The following CHDH variants were observed in gnomAD, a reference collection of about 807,000 sequenced individuals.
The protein encoded by CHDH is choline dehydrogenase, mitochondrial.
A neutral mutation model predicts 56.9 loss-of-function variants in CHDH; 43 were observed. That is an observed-to-expected ratio of 0.76 (90% CI 0.59 to 0.97). The LOEUF (loss-of-function observed/expected upper bound fraction) is 0.97. CHDH is among the 50% of genes least tolerant of loss of function. CHDH has a pLI of 0.00. For missense variants in CHDH, 816 were observed against 821.1 expected (o/e 0.99, Z 0.08); for synonymous variants, 364 against 348.5 (o/e 1.04, Z -0.50).
intron 2 of CHDH, among the ~76,000 whole-genome samples, chr3:53,836,677 C>T (rs1047430044): frequency 1.3e-5 from 2 of 152,234 alleles, no homozygotes; most frequent in African/African-American, 4.8e-5. Context: ...GCTGGCGCTG[C>T]GTCATGCTGG....
Position 53,846,407 on chromosome 3 carries a change from C to G in CHDH, c.-455G>C. ...TCGGACACGGCCCATCCCTCCGAGCCCCAGCAGGCGAGGGCGCTGCGACCT... is the reference window on the plus strand; with the variant it reads ...TCGGACACGGCCCATCCCTCCGAGCGCCAGCAGGCGAGGGCGCTGCGACCT... On this transcript the variant is annotated 5_prime_UTR_variant, in exon 1 of 9. Transcript: ENST00000315251. 1.7e-6 allele frequency: 1 copy of G among 579,304 alleles called. No homozygotes were observed. The highest frequency in any genetic ancestry group is 2.5e-5 in the South Asian group (1 of 40,322). The allele number at this position is 579,304 out of a possible 1,614,324, so 35.9% of individuals were successfully genotyped here.
chr3:53,822,276 G>A (rs2095628463), intron 4 of CHDH, among the ~76,000 whole-genome samples: 1 of 151,986 alleles, frequency 6.6e-6, no homozygotes, highest in African/African-American at 2.4e-5. Flanking sequence ...GGCACACAGG[G>A]GCACTGACAC....
rs2095615821 is a variant in CHDH, at chr3:53,816,204, A to G, written c.*1573T>C. The G allele has an allele frequency of 8.2e-6, 1 of 121,580 alleles. No homozygotes were observed. Among genetic ancestry groups the G allele is most frequent in the African/African-American group, 3.3e-5 (1 of 30,740 alleles). 7.5% of individuals were successfully genotyped at this position (121,580 alleles called of 1,614,324 possible). A position where few individuals can be genotyped will look rare whatever the true frequency, so the allele number is the denominator to read the frequency against. ...ATCCGAGCAAAGCCTGGAATCCCCCAATTTCCTCCCGTCCTTATTCTGGGC... is the reference window on the plus strand; with the variant it reads ...ATCCGAGCAAAGCCTGGAATCCCCCGATTTCCTCCCGTCCTTATTCTGGGC... On this transcript the variant is annotated 3_prime_UTR_variant, in exon 9 of 9. Coordinates refer to ENST00000315251, the MANE Select transcript of CHDH (RefSeq NM_018397.5).
chr3:53,841,885 G>A (rs1173006488), intron 1 of CHDH, among the ~76,000 whole-genome samples: 1 of 152,152 alleles, frequency 6.6e-6, no homozygotes. Context: ...AGTGGCTCAC[G>A]CCTGTAATCC....
chr3:53,826,906 A>C (rs1432851584), intron 2 of CHDH, among the ~76,000 whole-genome samples: 1 of 152,250 alleles, frequency 6.6e-6, no homozygotes, highest in African/African-American at 2.4e-5. Context: ...TCAGGATATA[A>C]GGTTAATATA....
At position 53,823,768 on chromosome 3, in the gene CHDH, T is replaced by A; in HGVS notation, c.241A>T (p.Ser81Cys). Reference sequence around the variant, plus strand: ...TGGATCTTCCACGAGAGCCGCTTGCTCCCCGCGAGCACGTCCTTGGGCCCG... The same window carrying A: ...TGGATCTTCCACGAGAGCCGCTTGCACCCCGCGAGCACGTCCTTGGGCCCG... ...EAGPKDVLAG[S>C]KRLSWKIHMP... Residue 81 changes from serine (S) to cysteine (C), a missense_variant, in exon 3 of 9, where the codon AGC (serine) becomes TGC (cysteine). By Grantham distance (112) the Ser-to-Cys change is moderately radical (BLOSUM62 -1). Coordinates refer to ENST00000315251, the MANE Select transcript of CHDH (RefSeq NM_018397.5). The A allele has an allele frequency of 6.4e-7, 1 of 1,564,086 alleles. No individual in the cohort carries two copies. The highest frequency in any genetic ancestry group is 8.6e-7 in the Non-Finnish European group (1 of 1,156,292).
At chr3:53,836,882 C>T (rs1698513399) in intron 2 of CHDH, among the ~76,000 whole-genome samples, 1 of 152,250 alleles carries the variant, frequency 6.6e-6, no homozygotes, top group Non-Finnish European at 1.5e-5. Flanking sequence ...ATGATGGACA[C>T]TTCGTATGTC....
chr3:53,821,353 G>A (rs1250133536), intron 5 of CHDH, among the ~76,000 whole-genome samples: 1 of 152,202 alleles, frequency 6.6e-6, no homozygotes, highest in African/African-American at 2.4e-5. Context: ...CTGGTGACAC[G>A]CCCATGCCCG....
At chr3:53,825,497 G>A (rs9830723) in intron 2 of CHDH, among the ~76,000 whole-genome samples, 38,923 of 152,014 alleles carry the variant, frequency 0.26, 8,383 homozygotes, top group African/African-American at 0.58. Flanking sequence ...ATTGGATATA[G>A]CACAGAAAAG....
chr3:53,819,717 G>A lies in CHDH; in HGVS notation c.1121-43C>T, dbSNP rs190376458. 2.6e-4 allele frequency: 394 copies of A among 1,512,096 alleles called. 1 individual carries two copies. In the African/African-American group the frequency reaches 4.6e-3, roughly 18 times the overall value. The allele number at this position is 1,512,096 out of a possible 1,614,324, so 93.7% of individuals were successfully genotyped here. A position where few individuals can be genotyped will look rare whatever the true frequency, so the allele number is the denominator to read the frequency against. On this transcript the variant is annotated intron_variant, in intron 6 of 8. Transcript: ENST00000315251. The surrounding 1 kb of genome is among the most constrained non-coding windows in gnomAD (Gnocchi z 5.4). ...ATGAGGCAGAAGAGCCAGTCAGGCC[G>A]TGGCAGGTGGGCCGGCTGCTCCTGG...
chr3:53,832,877 A>G (rs1698381333), intron 2 of CHDH, among the ~76,000 whole-genome samples: 1 of 152,200 alleles, frequency 6.6e-6, no homozygotes, highest in Admixed American at 6.5e-5. Flanking sequence ...GGTGTACAAC[A>G]TTGTGAATAT....
chr3:53,841,698 T>A (rs1020807080), intron 1 of CHDH, among the ~76,000 whole-genome samples: 1 of 152,256 alleles, frequency 6.6e-6, no homozygotes, highest in African/African-American at 2.4e-5. Context: ...GAAATCACTC[T>A]ATCACTAAAG....
chr3:53,838,251 G>C (rs1698565894), intron 2 of CHDH, among the ~76,000 whole-genome samples: 1 of 152,088 alleles, frequency 6.6e-6, no homozygotes, highest in South Asian at 2.1e-4. Flanking sequence ...CCCAGCCATG[G>C]GTAGGAGGCA....
At chr3:53,845,741 A>C (rs1698851290) in intron 1 of CHDH, among the ~76,000 whole-genome samples, 1 of 152,200 alleles carries the variant, frequency 6.6e-6, no homozygotes, top group African/African-American at 2.4e-5. Flanking sequence ...CCGCAGCTCC[A>C]AATCGCCAGT....
rs2106938739 is a variant in CHDH at position 53,812,737 on chromosome 3, C to T, written c.*5040G>A. Reference sequence around the variant, plus strand: ...CATAGGTGGATGAGATATAGCTGCTCTTGTCCTCTGGGGACTGGTGGTGCT... The same window carrying T: ...CATAGGTGGATGAGATATAGCTGCTTTTGTCCTCTGGGGACTGGTGGTGCT... On this transcript the variant is annotated 3_prime_UTR_variant, in exon 9 of 9. Coordinates refer to ENST00000315251, the MANE Select transcript of CHDH (RefSeq NM_018397.5). 6.6e-6 allele frequency: 1 copy of T among 152,370 alleles called. No individual in the cohort carries two copies. The highest frequency in any genetic ancestry group is 2.4e-5 in the African/African-American group (1 of 41,572). 9.4% of individuals were successfully genotyped at this position (152,370 alleles called of 1,614,324 possible). A position where few individuals can be genotyped will look rare whatever the true frequency, so the allele number is the denominator to read the frequency against.
At chr3:53,821,989 T>G (rs72982043) in intron 4 of CHDH, among the ~76,000 whole-genome samples, 1 of 152,018 alleles carries the variant, frequency 6.6e-6, no homozygotes, top group Admixed American at 6.5e-5. Context: ...TGGACAGTAG[T>G]GACAGCCTTA....
At position 53,819,764 on chromosome 3, in the gene CHDH, G is replaced by A. The variant is rs866211521; in HGVS notation, c.1121-90C>T. 6.8e-5 allele frequency: 96 copies of A among 1,413,468 alleles called. 1 individual carries two copies. In the Middle Eastern group the frequency reaches 1.4e-3, roughly 20 times the overall value. 87.6% of individuals were successfully genotyped at this position (1,413,468 alleles called of 1,614,324 possible). ...CTGGTTTCCCTCCTTTCTCCTGGCC[G>A]CTCCTCTTCCTTTTCCCGGACTCCA... On this transcript the variant is annotated intron_variant, in intron 6 of 8. Coordinates refer to ENST00000315251, the MANE Select transcript of CHDH (RefSeq NM_018397.5). The surrounding 1 kb of genome is among the most constrained non-coding windows in gnomAD (Gnocchi z 5.4).
At position 53,819,762 on chromosome 3, in the gene CHDH, C is replaced by T; in HGVS notation, c.1121-88G>A. The T allele has an allele frequency of 1.4e-6, 2 of 1,426,500 alleles. No individual in the cohort carries two copies. Among genetic ancestry groups the T allele is most frequent in the Non-Finnish European group, 9.3e-7 (1 of 1,071,816 alleles). The allele number at this position is 1,426,500 out of a possible 1,614,324, so 88.4% of individuals were successfully genotyped here. On this transcript the variant is annotated intron_variant, in intron 6 of 8. Coordinates refer to ENST00000315251, the MANE Select transcript of CHDH (RefSeq NM_018397.5). The surrounding 1 kb of genome is among the most constrained non-coding windows in gnomAD (Gnocchi z 5.4). ...TCCTGGTTTCCCTCCTTTCTCCTGG[C>T]CGCTCCTCTTCCTTTTCCCGGACTC...
chr3:53,842,379 C>T (rs1168487285), intron 1 of CHDH, among the ~76,000 whole-genome samples: 2 of 152,154 alleles, frequency 1.3e-5, no homozygotes, highest in Non-Finnish European at 2.9e-5. Context: ...GCCCAACATA[C>T]GGCCCAACGT....
Sources: allele counts gnomAD v4.1 joint callset (sites outside exome capture counted in the v4.1 genomes callset), GRCh38; gene constraint gnomAD v4.1.1; non-coding constraint Gnocchi (gnomAD v3.1); transcripts MANE v1.5; gene names NCBI Gene and HGNC (gene_info 2026-07-23, HGNC 2026-07-21).